CNTN4: variants seen among roughly 807,000 people sequenced by gnomAD.
The protein encoded by CNTN4 is contactin-4.
Under a neutral mutation model 122.5 loss-of-function variants are expected in CNTN4, and 77 were observed. The ratio of observed to expected loss-of-function variants is 0.63; its 90% CI spans 0.52 to 0.76. The LOEUF (loss-of-function observed/expected upper bound fraction) is 0.76, where lower values mean the gene tolerates loss of function less well. CNTN4 is among the 30% of genes least tolerant of loss of function. CNTN4 has a pLI of 0.00. For synonymous variants in CNTN4, 512 were observed against 447.0 expected (o/e 1.15, Z -1.83); for missense variants, 1,256 against 1,259.1 (o/e 1.00, Z 0.04).
At chr3:2,901,102 A>C (rs1478363253) in intron 11 of CNTN4, among the ~76,000 whole-genome samples, 1 of 152,218 alleles carries the variant, frequency 6.6e-6, no homozygotes, top group East Asian at 1.9e-4. Flanking sequence ...CTGGAACATG[A>C]AATTGTGCTA....
At chr3:2,931,853 G>A (rs1026068288) in intron 13 of CNTN4, among the ~76,000 whole-genome samples, 2 of 151,946 alleles carry the variant, frequency 1.3e-5, no homozygotes, top group African/African-American at 2.4e-5. Context: ...TTATATTATT[G>A]CCCAGGCTGG....
At chr3:2,839,703 G>A (rs1244167015) in intron 7 of CNTN4, among the ~76,000 whole-genome samples, 1 of 152,080 alleles carries the variant, frequency 6.6e-6, no homozygotes, top group East Asian at 1.9e-4. Flanking sequence ...TAAGGGGCAG[G>A]GCATTGTTGG....
At chr3:3,038,189 G>A (rs112018561) in intron 18 of CNTN4, among the ~76,000 whole-genome samples, 85 of 152,220 alleles carry the variant, frequency 5.6e-4, no homozygotes, top group Admixed American at 1.2e-3. Flanking sequence ...TTTCAGTTAC[G>A]TGATGACAAT....
intron 12 of CNTN4, among the ~76,000 whole-genome samples, chr3:2,912,821 A>G (rs2094315362): frequency 6.6e-6 from 1 of 152,220 alleles, no homozygotes; most frequent in Non-Finnish European, 1.5e-5. Context: ...AAGAAGAGAA[A>G]TGAGCAGTGA....
chr3:3,020,684 A>G (rs73116689), intron 14 of CNTN4, among the ~76,000 whole-genome samples: 4,204 of 152,314 alleles, frequency 0.028, 169 homozygotes, highest in African/African-American at 0.084. Context: ...TTCCTTCTAC[A>G]GAGCCAGAAT....
At chr3:2,423,480 G>GTT (rs199622494) in intron 3 of CNTN4, among the ~76,000 whole-genome samples, 13 of 114,206 alleles carry the variant, frequency 1.1e-4, no homozygotes, top group South Asian at 2.9e-4. Flanking sequence ...GTGAAAACTT[G>GTT]TTTTTTTTTT....
chr3:2,519,667 C>T (rs149658267), intron 3 of CNTN4, among the ~76,000 whole-genome samples: 12 of 152,286 alleles, frequency 7.9e-5, no homozygotes, highest in East Asian at 3.9e-4. Flanking sequence ...CTGTAAAGAA[C>T]GGTGCATCAG....
At chr3:2,389,135 T>G (rs1454329851) in intron 3 of CNTN4, among the ~76,000 whole-genome samples, 2 of 151,976 alleles carry the variant, frequency 1.3e-5, no homozygotes, top group Non-Finnish European at 2.9e-5. Flanking sequence ...CACTCCAGCC[T>G]GGGCGACAGA....
At chr3:2,506,298 C>A (rs550932635) in intron 3 of CNTN4, among the ~76,000 whole-genome samples, 1 of 152,114 alleles carries the variant, frequency 6.6e-6, no homozygotes, top group Admixed American at 6.5e-5. Flanking sequence ...GCCCTGGAGC[C>A]GACAAAAGAG....
At chr3:2,963,585 T>A (rs1478819512) in intron 13 of CNTN4, among the ~76,000 whole-genome samples, 1 of 152,150 alleles carries the variant, frequency 6.6e-6, no homozygotes, top group Non-Finnish European at 1.5e-5. Flanking sequence ...GTCTGACCAC[T>A]ACTTATCATC....
chr3:2,120,376 T>TATATATATATATATATATATATATAA (rs2033656949), intron 2 of CNTN4, among the ~76,000 whole-genome samples: 1 of 39,522 alleles, frequency 2.5e-5, no homozygotes, highest in Non-Finnish European at 5.3e-5. Context: ...TATATATAAA[T>TATATATATATATATATATATATATAA]ATATATATAT....
intron 4 of CNTN4, among the ~76,000 whole-genome samples, chr3:2,715,849 T>A (rs1470418154): frequency 6.6e-6 from 1 of 152,166 alleles, no homozygotes; most frequent in East Asian, 1.9e-4. Flanking sequence ...CTTAATTACT[T>A]CCTTACTTTA....
At chr3:2,985,890 C>A (rs1043869562) in intron 13 of CNTN4, among the ~76,000 whole-genome samples, 1 of 148,206 alleles carries the variant, frequency 6.7e-6, no homozygotes, top group Admixed American at 6.7e-5. Flanking sequence ...CCTATATATA[C>A]AAATGACCAA....
chr3:2,514,019 A>G (rs1368063303), intron 3 of CNTN4, among the ~76,000 whole-genome samples: 1 of 152,176 alleles, frequency 6.6e-6, no homozygotes, highest in Non-Finnish European at 1.5e-5. Flanking sequence ...ATTGTGGACA[A>G]TTTCTGTGCT....
chr3:2,966,024 CTG>C (rs1377299323), intron 13 of CNTN4, among the ~76,000 whole-genome samples: 2 of 152,048 alleles, frequency 1.3e-5, no homozygotes, highest in African/African-American at 4.8e-5. Context: ...ATTCACCAGA[CTG>C]TGAATTTCCT....
intron 3 of CNTN4, among the ~76,000 whole-genome samples, chr3:2,359,268 A>G (rs1303544038): frequency 6.6e-6 from 1 of 151,762 alleles, no homozygotes; most frequent in African/African-American, 2.4e-5. Context: ...TTATTTTCTG[A>G]TTGGAGAGAA....
chr3:2,350,764 G>T (rs2044580681), intron 3 of CNTN4, among the ~76,000 whole-genome samples: 1 of 152,116 alleles, frequency 6.6e-6, no homozygotes, highest in Admixed American at 6.6e-5. Context: ...CTATCTAAAT[G>T]ACTCACTAAC....
chr3:2,812,839 T>C (rs975032987), intron 6 of CNTN4, among the ~76,000 whole-genome samples: 1 of 152,152 alleles, frequency 6.6e-6, no homozygotes, highest in African/African-American at 2.4e-5. Flanking sequence ...TTCAAGGAGA[T>C]TAACTAACTC....
chr3:2,322,403 C>T (rs1488484186), intron 2 of CNTN4, among the ~76,000 whole-genome samples: 1 of 152,016 alleles, frequency 6.6e-6, no homozygotes, highest in Non-Finnish European at 1.5e-5. Flanking sequence ...CATGGACGCA[C>T]CTTGAAAACA....
Sources: gnomAD v4.1 joint callset for allele counts (sites outside exome capture counted in the v4.1 genomes callset) on GRCh38, gnomAD v4.1.1 for gene constraint, MANE v1.5 for transcripts, NCBI Gene and HGNC (gene_info 2026-07-23, HGNC 2026-07-21) for gene names.